The following ADCY2 variants were observed in gnomAD, a reference collection of about 807,000 sequenced individuals.
ADCY2 encodes adenylate cyclase 2, also known as adenylate cyclase type 2.
A neutral mutation model predicts 125.2 loss-of-function variants in ADCY2; 31 were observed. The ratio of observed to expected loss-of-function variants is 0.25; its 90% CI spans 0.19 to 0.33. The LOEUF is 0.33. Ranked by LOEUF, ADCY2 falls within the 10% of genes least tolerant of loss-of-function variation. The probability of loss-of-function intolerance (pLI) is 1.00; values close to 1 mark genes in which losing one functional copy is unlikely to be tolerated. For synonymous variants in ADCY2, 512 were observed against 548.4 expected (o/e 0.93, Z 0.93); for missense variants, 904 against 1,418.2 (o/e 0.64, Z 5.82).
intron 3 of ADCY2, among the ~76,000 whole-genome samples, chr5:7,607,220 G>A (rs1041251857): frequency 1.3e-5 from 2 of 152,126 alleles, no homozygotes; most frequent in African/African-American, 4.8e-5. Flanking sequence ...AATTACACCA[G>A]GTCTCACATT....
At chr5:7,811,951 T>C (rs892998027) in intron 22 of ADCY2, among the ~76,000 whole-genome samples, 1 of 152,240 alleles carries the variant, frequency 6.6e-6, no homozygotes, top group Non-Finnish European at 1.5e-5. Flanking sequence ...CTGAGCCAAG[T>C]TCCAGGTACA....
chr5:7,449,658 A>G (rs1741400515), intron 2 of ADCY2, among the ~76,000 whole-genome samples: 1 of 152,238 alleles, frequency 6.6e-6, no homozygotes, highest in Non-Finnish European at 1.5e-5. Context: ...CACTGGCAAC[A>G]ACCAACTCCA....
chr5:7,588,984 T>C (rs563865261), intron 3 of ADCY2, among the ~76,000 whole-genome samples: 2 of 152,320 alleles, frequency 1.3e-5, no homozygotes, highest in Admixed American at 6.5e-5. Context: ...GAAAAAATTA[T>C]GTTAAACCTT....
chr5:7,508,981 G>A (rs141074866), intron 2 of ADCY2, among the ~76,000 whole-genome samples: 232 of 152,292 alleles, frequency 1.5e-3, no homozygotes, highest in Middle Eastern at 0.014. Context: ...TCAGTCATAA[G>A]ACAGTCATTT....
intron 15 of ADCY2, among the ~76,000 whole-genome samples, chr5:7,752,432 A>G (rs981085321): frequency 1.3e-5 from 2 of 152,128 alleles, no homozygotes; most frequent in Non-Finnish European, 2.9e-5. Flanking sequence ...TCTAATAATA[A>G]AAGTTTGCTT....
At chr5:7,457,133 A>C (rs1741702670) in intron 2 of ADCY2, among the ~76,000 whole-genome samples, 1 of 152,192 alleles carries the variant, frequency 6.6e-6, no homozygotes, top group Admixed American at 6.5e-5. Flanking sequence ...AAGAATGTTG[A>C]AATTTTTTAC....
intron 2 of ADCY2, among the ~76,000 whole-genome samples, chr5:7,464,068 C>G (rs1181998002): frequency 6.6e-6 from 1 of 152,176 alleles, no homozygotes; most frequent in Non-Finnish European, 1.5e-5. Flanking sequence ...GTTCATGCTA[C>G]AAACCGTACT....
rs961728748 is a variant in ADCY2, at chr5:7,802,670, C to T, written c.2775+306C>T. ...TTGAATTCGCGGTAAAATACTTGCC[C>T]ATCCCTTTCTAGATAAAAAGATAAT... On this transcript the variant is annotated intron_variant, in intron 21 of 24. Coordinates refer to ENST00000338316, the MANE Select transcript of ADCY2 (RefSeq NM_020546.3). The surrounding 1 kb of genome is among the most constrained non-coding windows in gnomAD (Gnocchi z 4.6). 6.6e-6 allele frequency among the ~76,000 whole-genome samples: 1 copy of T among 152,124 alleles called. No homozygotes were observed. The highest frequency in any genetic ancestry group is 1.9e-4 in the East Asian group (1 of 5,190).
chr5:7,695,618 G>C, intron 5 of ADCY2, 134 bp from the exon 6 acceptor site: 1 of 458,030 alleles, frequency 2.2e-6, no homozygotes, highest in African/African-American at 2.0e-5. Context: ...CTTAATCTGA[G>C]AAAATGACCT....
intron 2 of ADCY2, among the ~76,000 whole-genome samples, chr5:7,492,934 CAT>C (rs1561055534): frequency 6.6e-6 from 1 of 152,094 alleles, no homozygotes; most frequent in East Asian, 1.9e-4. Context: ...GGAAAAAGGA[CAT>C]AGTGAGGAGC....
intron 20 of ADCY2, 111 bp downstream of exon 20, chr5:7,789,911 G>A: frequency 1.2e-6 from 1 of 835,956 alleles, no homozygotes; most frequent in South Asian, 2.0e-5. Context: ...TCACACATCT[G>A]AGTGTTCAAA....
At chr5:7,798,179 G>GAAATTCAAAGAAATAGCCCA (rs2307997) in intron 20 of ADCY2, 1 of 151,486 alleles carries the variant, frequency 6.6e-6, no homozygotes, top group Non-Finnish European at 1.5e-5. Flanking sequence ...CCTCCACAGA[G>GAAATTCAAAGAAATAGCCCA]AAAGCCCGGA....
intron 22 of ADCY2, among the ~76,000 whole-genome samples, chr5:7,814,015 C>T (rs371140776): frequency 1.3e-4 from 18 of 143,918 alleles, no homozygotes; most frequent in African/African-American, 4.6e-4. Context: ...CCCCATAAGT[C>T]GTGAGACAAA....
chr5:7,776,471 G>C (rs1227399119), intron 18 of ADCY2, among the ~76,000 whole-genome samples: 1 of 152,152 alleles, frequency 6.6e-6, no homozygotes. Flanking sequence ...TTGCTTGGCT[G>C]TGGCAGGTCA....
chr5:7,644,282 A>G (rs1404342238), intron 4 of ADCY2, among the ~76,000 whole-genome samples: 2 of 152,040 alleles, frequency 1.3e-5, no homozygotes, highest in Non-Finnish European at 2.9e-5. Flanking sequence ...CTCCTCCTTG[A>G]TTTCCTCAGT....
At chr5:7,741,554 C>T (rs901017302) in intron 14 of ADCY2, among the ~76,000 whole-genome samples, 4 of 138,984 alleles carry the variant, frequency 2.9e-5, no homozygotes, top group Non-Finnish European at 6.2e-5. Context: ...ATCCCCATCA[C>T]CATCCCTATC....
At chr5:7,570,436 G>C (rs1216360625) in intron 3 of ADCY2, among the ~76,000 whole-genome samples, 1 of 151,920 alleles carries the variant, frequency 6.6e-6, no homozygotes, top group East Asian at 1.9e-4. Context: ...GTAAGTCTAG[G>C]CAACATTGAG....
At chr5:7,532,723 C>T (rs1370806806) in intron 3 of ADCY2, among the ~76,000 whole-genome samples, 2 of 152,020 alleles carry the variant, frequency 1.3e-5, no homozygotes, top group South Asian at 2.1e-4. Context: ...CATTCGTGGA[C>T]AAGACTGTAT....
intron 3 of ADCY2, among the ~76,000 whole-genome samples, chr5:7,555,892 T>C (rs1735494693): frequency 6.8e-6 from 1 of 147,014 alleles, no homozygotes; most frequent in African/African-American, 2.6e-5. Flanking sequence ...ACAGACATGA[T>C]TCTTGGGTGA....
Sources: allele counts gnomAD v4.1 joint callset (sites outside exome capture counted in the v4.1 genomes callset), GRCh38; gene constraint gnomAD v4.1.1; non-coding constraint Gnocchi (gnomAD v3.1); transcripts MANE v1.5; gene names NCBI Gene and HGNC (gene_info 2026-07-23, HGNC 2026-07-21).